The following FNDC3B variants were observed in gnomAD, a reference collection of about 807,000 sequenced individuals.
The protein encoded by FNDC3B is fibronectin type III domain-containing protein 3B.
FNDC3B carries 12 observed loss-of-function variants against 151.5 expected under a neutral mutation model. That is an observed-to-expected ratio of 0.08 (90% CI 0.05 to 0.13). The LOEUF is 0.13. FNDC3B is among the 10% of genes least tolerant of loss of function. The pLI, the probability that FNDC3B is intolerant of heterozygous loss-of-function variation, is 1.00. For synonymous variants in FNDC3B, 528 were observed against 549.0 expected, an observed-to-expected ratio of 0.96 and a Z score of 0.54; for missense variants, 1,214 against 1,505.3, an observed-to-expected ratio of 0.81 and a Z score of 3.20.
chr3:172,225,370 G>A (rs1386349557), intron 3 of FNDC3B: 10 of 185,056 alleles, frequency 5.4e-5, no homozygotes, highest in Non-Finnish European at 1.2e-4. Flanking sequence ...ATGGGATCTC[G>A]CTATGTTGCC....
chr3:172,155,241 CT>C (rs777552807), intron 3 of FNDC3B, among the ~76,000 whole-genome samples: 1 of 152,196 alleles, frequency 6.6e-6, no homozygotes, highest in Non-Finnish European at 1.5e-5. Context: ...TTTGTTTAAG[CT>C]TCAGTAAGTC....
At chr3:172,200,483 C>A (rs547552752) in intron 3 of FNDC3B, among the ~76,000 whole-genome samples, 15 of 152,286 alleles carry the variant, frequency 9.8e-5, no homozygotes, top group Non-Finnish European at 1.6e-4. Flanking sequence ...CCCGTGCAAA[C>A]CATTCTGTTT....
chr3:172,045,789 TC>T lies in FNDC3B; in HGVS notation c.-29+6019del, dbSNP rs1716336610. The stretch of plus-strand genomic sequence containing the variant: ...GTGTCTCTCTCTCTCTCTCTCTCTC[TC>T]TCTCTATATATATATATACACTTTG... On this transcript the variant is annotated intron_variant, in intron 1 of 25. Transcript: ENST00000415807. Among the ~76,000 whole-genome samples the T allele has an allele frequency of 8.6e-5, 13 of 150,308 alleles. No individual in the cohort carries two copies. In the South Asian group the frequency reaches 2.7e-3, roughly 32 times the overall value.
chr3:172,189,139 G>A (rs539718021), intron 3 of FNDC3B, among the ~76,000 whole-genome samples: 1 of 152,172 alleles, frequency 6.6e-6, no homozygotes, highest in Admixed American at 6.5e-5. Flanking sequence ...GTAAATTTTT[G>A]TCATAATAAT....
intron 3 of FNDC3B, among the ~76,000 whole-genome samples, chr3:172,212,796 G>C (rs368752251): frequency 1.4e-3 from 218 of 152,286 alleles, no homozygotes; most frequent in Middle Eastern, 6.8e-3. Flanking sequence ...TTTTGATGGG[G>C]ATGGACTGAA....
chr3:172,377,976 GTTTT>G (rs977059783), intron 23 of FNDC3B, among the ~76,000 whole-genome samples: 1 of 151,998 alleles, frequency 6.6e-6, no homozygotes, highest in African/African-American at 2.4e-5. Flanking sequence ...TGAAAATTCT[GTTTT>G]TTATTAGTAA....
At chr3:172,053,089 T>G (rs1251289334) in intron 1 of FNDC3B, among the ~76,000 whole-genome samples, 2 of 152,180 alleles carry the variant, frequency 1.3e-5, no homozygotes, top group African/African-American at 4.8e-5. Context: ...ATATGTATAT[T>G]CTGTGTGTGT....
intron 19 of FNDC3B, among the ~76,000 whole-genome samples, chr3:172,345,259 G>C (rs1252512269): frequency 6.6e-6 from 1 of 152,182 alleles, no homozygotes; most frequent in South Asian, 2.1e-4. Context: ...TAACGCCTAT[G>C]TACCTGAACT....
At chr3:172,222,124 A>G (rs1726305564) in intron 3 of FNDC3B, among the ~76,000 whole-genome samples, 1 of 152,212 alleles carries the variant, frequency 6.6e-6, no homozygotes, top group Non-Finnish European at 1.5e-5. Flanking sequence ...ATCAATTAGG[A>G]AAAAATGTGA....
chr3:172,397,548 T>C lies in FNDC3B; in HGVS notation c.*73T>C, dbSNP rs1191195094. ...CACATTTATTCAGATACTCCCCTTTTTAAAGCCCTTTTGTTTTTTGATTTA... is the reference window on the plus strand; with the variant it reads ...CACATTTATTCAGATACTCCCCTTTCTAAAGCCCTTTTGTTTTTTGATTTA... On this transcript the variant is annotated 3_prime_UTR_variant, in exon 26 of 26. Transcript: ENST00000415807. 1 of 974,630 alleles carries C rather than the reference T, an allele frequency of 1.0e-6. No individual in the cohort carries two copies. The highest frequency in any genetic ancestry group is 1.6e-5 in the African/African-American group (1 of 60,726). 60.4% of individuals were successfully genotyped at this position (974,630 alleles called of 1,614,324 possible).
intron 23 of FNDC3B, among the ~76,000 whole-genome samples, chr3:172,367,079 A>G (rs550074582): frequency 2.0e-5 from 3 of 152,186 alleles, no homozygotes; most frequent in Admixed American, 1.3e-4. Context: ...TGGACTTGCT[A>G]TGTTGAAAGG....
chr3:172,047,792 G>A (rs1716436669), intron 1 of FNDC3B, among the ~76,000 whole-genome samples: 1 of 152,104 alleles, frequency 6.6e-6, no homozygotes, highest in Non-Finnish European at 1.5e-5. Context: ...CTCCAACTAT[G>A]CCTATTTATT....
At chr3:172,239,751 A>G (rs1727374117) in intron 4 of FNDC3B, among the ~76,000 whole-genome samples, 2 of 149,954 alleles carry the variant, frequency 1.3e-5, no homozygotes, top group Non-Finnish European at 3.0e-5. Flanking sequence ...CAGTAAGAGG[A>G]ACTATCTTTT....
intron 1 of FNDC3B, among the ~76,000 whole-genome samples, chr3:172,072,138 G>A (rs182817468): frequency 2.6e-4 from 39 of 147,802 alleles, no homozygotes; most frequent in African/African-American, 4.0e-4. Flanking sequence ...GGAAATACCC[G>A]CGTTATCTAG....
At chr3:172,192,429 C>A (rs183965789) in intron 3 of FNDC3B, among the ~76,000 whole-genome samples, 162 of 152,022 alleles carry the variant, frequency 1.1e-3, no homozygotes, top group African/African-American at 3.7e-3. Context: ...TTGTGATCCG[C>A]CCGCCTCGGC....
At chr3:172,110,846 C>T (rs1318255322) in intron 1 of FNDC3B, among the ~76,000 whole-genome samples, 2 of 152,100 alleles carry the variant, frequency 1.3e-5, no homozygotes, top group African/African-American at 4.8e-5. Flanking sequence ...TCATACTTAG[C>T]ACTTTGGGAG....
chr3:172,221,415 AG>A (rs751436316), intron 3 of FNDC3B, among the ~76,000 whole-genome samples: 10 of 151,990 alleles, frequency 6.6e-5, no homozygotes, highest in South Asian at 4.1e-4. Context: ...AGCTTATCAA[AG>A]CATGGTCCCT....
At chr3:172,083,328 G>A (rs971475417) in intron 1 of FNDC3B, among the ~76,000 whole-genome samples, 1 of 152,224 alleles carries the variant, frequency 6.6e-6, no homozygotes, top group African/African-American at 2.4e-5. Context: ...TAAGGATGGA[G>A]CGTGCAGATG....
chr3:172,171,418 A>G (rs1009864028), intron 3 of FNDC3B, among the ~76,000 whole-genome samples: 1 of 152,090 alleles, frequency 6.6e-6, no homozygotes, highest in Admixed American at 6.5e-5. Context: ...ACTACTGGAA[A>G]CTTCGATGCC....
Sources: allele counts gnomAD v4.1 joint callset (sites outside exome capture counted in the v4.1 genomes callset), GRCh38; gene constraint gnomAD v4.1.1; transcripts MANE v1.5; gene names NCBI Gene and HGNC (gene_info 2026-07-23, HGNC 2026-07-21).